The following EPHB2 variants were observed in gnomAD, a reference collection of about 807,000 sequenced individuals.
The protein encoded by EPHB2 is ephrin type-B receptor 2.
A neutral mutation model predicts 96.4 loss-of-function variants in EPHB2; 18 were observed. That is an observed-to-expected ratio of 0.19 (90% CI 0.13 to 0.28). The LOEUF is 0.28. EPHB2 is among the 10% of genes least tolerant of loss of function. The pLI is 1.00. For synonymous variants in EPHB2, 506 were observed against 534.1 expected, an observed-to-expected ratio of 0.95 and a Z score of 0.72; for missense variants, 989 against 1,355.4, an observed-to-expected ratio of 0.73 and a Z score of 4.25.
At chr1:22,871,993 G>A (rs1638684638) in intron 5 of EPHB2, among the ~76,000 whole-genome samples, 1 of 148,420 alleles carries the variant, frequency 6.7e-6, no homozygotes, top group African/African-American at 2.5e-5. Flanking sequence ...TCCAGCCTGG[G>A]TAACAGAGCG....
intron 3 of EPHB2, among the ~76,000 whole-genome samples, chr1:22,786,105 T>G (rs559130035): frequency 6.6e-6 from 1 of 152,350 alleles, no homozygotes; most frequent in African/African-American, 2.4e-5. Context: ...ACCCTGGTGC[T>G]AAGAAGGCTG....
rs550016942 is a variant in EPHB2, at chr1:22,741,687, A to G, written c.61+30644A>G. Reference sequence around the variant, plus strand: ...CCTGGTTTTCTTCCCAGCAAAAAAAAACAAAAAAACAAAAAACCTCAGTTT... The same window carrying G: ...CCTGGTTTTCTTCCCAGCAAAAAAAGACAAAAAAACAAAAAACCTCAGTTT... On this transcript the variant is annotated intron_variant, in intron 1 of 15. Coordinates refer to ENST00000374630, the MANE Select transcript of EPHB2 (RefSeq NM_017449.5). Among the ~76,000 whole-genome samples, 22 of 142,798 alleles carry G rather than the reference A, an allele frequency of 1.5e-4. 3 individuals carry two copies. Among genetic ancestry groups the G allele is most frequent in the Non-Finnish European group, 3.0e-5 (2 of 65,900 alleles). The allele number at this position is 142,798 out of a possible 152,430, so 93.7% of individuals were successfully genotyped here.
intron 1 of EPHB2, among the ~76,000 whole-genome samples, chr1:22,727,294 T>C (rs1460389480): frequency 6.6e-6 from 1 of 152,228 alleles, no homozygotes; most frequent in Non-Finnish European, 1.5e-5. Context: ...GGCCAGGACA[T>C]AGCCCACATC....
chr1:22,853,996 C>T (rs900841196), intron 3 of EPHB2, among the ~76,000 whole-genome samples: 4 of 152,212 alleles, frequency 2.6e-5, no homozygotes, highest in Admixed American at 6.5e-5. Context: ...CGGGTCCCAG[C>T]AGGGGCAGAC....
At chr1:22,771,466 G>A (rs1299141217) in intron 1 of EPHB2, among the ~76,000 whole-genome samples, 1 of 152,178 alleles carries the variant, frequency 6.6e-6, no homozygotes, top group Non-Finnish European at 1.5e-5. Context: ...GGGCAGAGGG[G>A]AGATGCACAC....
chr1:22,775,276 G>T (rs202005169), intron 1 of EPHB2: 1 of 779,434 alleles, frequency 1.3e-6, no homozygotes, highest in Non-Finnish European at 2.4e-6. Context: ...CAGTTTCCTC[G>T]TCTGTGAAAT....
chr1:22,750,991 CTAGTTCCA>C (rs1644053571), intron 1 of EPHB2, among the ~76,000 whole-genome samples: 1 of 152,222 alleles, frequency 6.6e-6, no homozygotes, highest in Non-Finnish European at 1.5e-5. Flanking sequence ...TGGCTCTCTT[CTAGTTCCA>C]GCAGTAGCCT....
In EPHB2 at chr1:22,746,378, A is replaced by G. The variant is rs548034366; in HGVS notation, c.62-35043A>G. ...AAGGGAGGGTGCACCAAGCTGGGGA[A>G]CATCTTGGGCAAAGATCCAGTAGGA... is the stretch of plus-strand genomic sequence containing the variant. On this transcript the variant is annotated intron_variant, in intron 1 of 15. Transcript: ENST00000374630. Among the ~76,000 whole-genome samples the G allele has an allele frequency of 2.1e-4, 32 of 152,334 alleles. No homozygotes were observed. In the South Asian group the frequency reaches 6.4e-3, roughly 31 times the overall value.
chr1:22,912,966 G>A (rs551098540), intron 15 of EPHB2: 61 of 361,964 alleles, frequency 1.7e-4, no homozygotes, highest in African/African-American at 9.7e-4. Context: ...AGGCCGAGGC[G>A]GGCAGATCAC....
intron 1 of EPHB2, among the ~76,000 whole-genome samples, chr1:22,739,136 C>T (rs1643874042): frequency 6.6e-6 from 1 of 152,114 alleles, no homozygotes; most frequent in Admixed American, 6.5e-5. Flanking sequence ...AACTCCTGGG[C>T]TTAAGCAATC....
intron 1 of EPHB2, among the ~76,000 whole-genome samples, chr1:22,761,526 C>T (rs901331754): frequency 1.3e-5 from 2 of 152,192 alleles, no homozygotes; most frequent in Non-Finnish European, 2.9e-5. Context: ...CCGGGTCAGC[C>T]ACCCCGCTCT....
chr1:22,841,463 TG>T (rs1396644557), intron 3 of EPHB2, among the ~76,000 whole-genome samples: 1 of 152,140 alleles, frequency 6.6e-6, no homozygotes, highest in Non-Finnish European at 1.5e-5. Flanking sequence ...GTGGGGACCT[TG>T]GCCCACTTCT....
chr1:22,813,039 A>G (rs1011042917), intron 3 of EPHB2, among the ~76,000 whole-genome samples: 1 of 152,200 alleles, frequency 6.6e-6, no homozygotes. Flanking sequence ...TTTGTAATTT[A>G]TTATAATTTG....
chr1:22,780,457 G>T (rs2148417771), intron 1 of EPHB2, among the ~76,000 whole-genome samples: 1 of 152,320 alleles, frequency 6.6e-6, no homozygotes, highest in Non-Finnish European at 1.5e-5. Flanking sequence ...GGGCAGAGTT[G>T]CCTGAGCCCT....
At chr1:22,893,199 G>C (rs1054535780) in intron 7 of EPHB2, among the ~76,000 whole-genome samples, 153 bp downstream of exon 7, 1 of 152,136 alleles carries the variant, frequency 6.6e-6, no homozygotes, top group African/African-American at 2.4e-5. Flanking sequence ...TCGAACCTTT[G>C]TGCACAACCA....
At chr1:22,842,156 T>C (rs1273423177) in intron 3 of EPHB2, among the ~76,000 whole-genome samples, 1 of 151,708 alleles carries the variant, frequency 6.6e-6, no homozygotes, top group Non-Finnish European at 1.5e-5. Flanking sequence ...GGCTACAGAC[T>C]CTGCATAGCC....
rs141724560 is a variant in EPHB2, at chr1:22,918,086, G to T, written c.*4516G>T. Reference sequence around the variant, plus strand: ...CAGGAGGGTAGCATAGTGAGCATCAGGTTCTAGGAAGAAGCACCAGTTCAG... The same window carrying T: ...CAGGAGGGTAGCATAGTGAGCATCATGTTCTAGGAAGAAGCACCAGTTCAG... On this transcript the variant is annotated 3_prime_UTR_variant, in exon 16 of 16. Transcript: ENST00000374630. The surrounding 1 kb of genome is among the most constrained non-coding windows in gnomAD (Gnocchi z 4.2). 1.1e-3 allele frequency: 161 copies of T among 152,368 alleles called. No individual in the cohort carries two copies. Among genetic ancestry groups the T allele is most frequent in the African/African-American group, 3.5e-3 (146 of 41,548 alleles). The allele number at this position is 152,368 out of a possible 1,614,324, so 9.4% of individuals were successfully genotyped here.
chr1:22,794,599 C>G (rs1644741779), intron 3 of EPHB2, among the ~76,000 whole-genome samples: 1 of 152,168 alleles, frequency 6.6e-6, no homozygotes, highest in African/African-American at 2.4e-5. Context: ...CTTCTGATTT[C>G]TTCTGATACA....
chr1:22,715,256 C>T (rs1412121407), intron 1 of EPHB2, among the ~76,000 whole-genome samples: 2 of 152,130 alleles, frequency 1.3e-5, no homozygotes, highest in African/African-American at 4.8e-5. Context: ...GAGGGAGATA[C>T]CAAGGGGATG....
Sources: gnomAD v4.1 joint callset for allele counts (sites outside exome capture counted in the v4.1 genomes callset) on GRCh38, gnomAD v4.1.1 for gene constraint, Gnocchi (gnomAD v3.1) non-coding constraint, MANE v1.5 for transcripts, NCBI Gene and HGNC (gene_info 2026-07-23, HGNC 2026-07-21) for gene names.